The following CAMTA1 variants were observed in gnomAD, a reference collection of about 807,000 sequenced individuals.
CAMTA1 encodes the protein calmodulin binding transcription activator 1, also known as calmodulin-binding transcription activator 1.
A neutral mutation model predicts 170.9 loss-of-function variants in CAMTA1; 27 were observed. That is an observed-to-expected ratio of 0.16 (90% CI 0.12 to 0.22). CAMTA1 has a LOEUF of 0.22. CAMTA1 is among the 10% of genes least tolerant of loss of function. The pLI is 1.00. For synonymous variants in CAMTA1, 833 were observed against 891.5 expected (o/e 0.93, Z 1.17); for missense variants, 1,619 against 2,217.2 (o/e 0.73, Z 5.42).
intron 6 of CAMTA1, among the ~76,000 whole-genome samples, chr1:7,480,995 C>T (rs895702666): frequency 5.3e-5 from 8 of 152,018 alleles, no homozygotes; most frequent in Non-Finnish European, 1.0e-4. Context: ...GATGGCTCGC[C>T]GTCATGCAGA....
intron 5 of CAMTA1, among the ~76,000 whole-genome samples, chr1:7,383,984 G>A (rs1229857583): frequency 6.6e-6 from 1 of 152,150 alleles, no homozygotes; most frequent in Non-Finnish European, 1.5e-5. Context: ...CCCCATACAT[G>A]TAATGGAGCA....
chr1:6,874,634 C>T (rs546747725), intron 3 of CAMTA1, among the ~76,000 whole-genome samples: 1 of 152,332 alleles, frequency 6.6e-6, no homozygotes, highest in African/African-American at 2.4e-5. Context: ...GGTAATTAAG[C>T]TCCTCTAAAA....
At chr1:7,544,206 G>A (rs1472514623) in intron 6 of CAMTA1, among the ~76,000 whole-genome samples, 1 of 152,096 alleles carries the variant, frequency 6.6e-6, no homozygotes, top group Non-Finnish European at 1.5e-5. Context: ...ACATGGCGGT[G>A]GCAAGAGAAA....
At chr1:7,017,143 C>G (rs1249400949) in intron 3 of CAMTA1, among the ~76,000 whole-genome samples, 1 of 152,216 alleles carries the variant, frequency 6.6e-6, no homozygotes, top group African/African-American at 2.4e-5. Context: ...CCAGTTGTTT[C>G]ATTTCTCAGG....
chr1:7,210,166 A>G (rs1046021545), intron 4 of CAMTA1, among the ~76,000 whole-genome samples: 5 of 152,242 alleles, frequency 3.3e-5, no homozygotes, highest in African/African-American at 1.2e-4. Context: ...GCAAAATACA[A>G]TAATAAAAAC....
intron 6 of CAMTA1, among the ~76,000 whole-genome samples, chr1:7,584,600 C>T (rs933785220): frequency 6.6e-6 from 1 of 152,180 alleles, no homozygotes; most frequent in East Asian, 1.9e-4. Flanking sequence ...GGGGTAGACA[C>T]CACTGGATGC....
intron 3 of CAMTA1, among the ~76,000 whole-genome samples, chr1:7,017,074 A>C (rs1700669646): frequency 6.6e-6 from 1 of 152,170 alleles, no homozygotes; most frequent in Admixed American, 6.5e-5. Flanking sequence ...AGTCTTCGAC[A>C]GCTCTCACAC....
intron 5 of CAMTA1, among the ~76,000 whole-genome samples, chr1:7,275,227 C>A (rs571222000): frequency 6.9e-6 from 1 of 144,924 alleles, no homozygotes; most frequent in Admixed American, 6.8e-5. Flanking sequence ...GTATGGAGTA[C>A]AGGGAAAGCA....
chr1:6,818,548 C>G (rs971399449), intron 1 of CAMTA1, among the ~76,000 whole-genome samples: 1 of 152,156 alleles, frequency 6.6e-6, no homozygotes, highest in Non-Finnish European at 1.5e-5. Context: ...AGTATCCACC[C>G]GCCCTTTTTG....
At chr1:6,936,234 A>G (rs1685284454) in intron 3 of CAMTA1, among the ~76,000 whole-genome samples, 1 of 152,268 alleles carries the variant, frequency 6.6e-6, no homozygotes, top group South Asian at 2.1e-4. Flanking sequence ...AAAGTAGCCC[A>G]GATAATAGGC....
At chr1:7,756,565 TA>T (rs2096932974) in intron 22 of CAMTA1, among the ~76,000 whole-genome samples, 1 of 152,166 alleles carries the variant, frequency 6.6e-6, no homozygotes, top group Admixed American at 6.5e-5. Context: ...AAGCCAGGAA[TA>T]GGCCAGGTAC....
At chr1:7,291,558 C>T (rs939249923) in intron 5 of CAMTA1, among the ~76,000 whole-genome samples, 2 of 152,258 alleles carry the variant, frequency 1.3e-5, no homozygotes, top group Admixed American at 6.5e-5. Flanking sequence ...TGGGCCCTAG[C>T]GATGAATTAA....
At chr1:7,661,604 A>G in intron 7 of CAMTA1, 122 bp from the exon 8 acceptor site, 1 of 1,141,638 alleles carries the variant, frequency 8.8e-7, no homozygotes, top group Non-Finnish European at 1.3e-6. Context: ...TCGCCCCAGG[A>G]GCCAGCTCCC....
At chr1:7,695,878 C>T (rs1019642477) in intron 11 of CAMTA1, among the ~76,000 whole-genome samples, 1 of 152,174 alleles carries the variant, frequency 6.6e-6, no homozygotes, top group East Asian at 1.9e-4. Context: ...GTGCAGGAGA[C>T]GGCTGTCATT....
At chr1:7,161,528 G>A (rs1199611935) in intron 4 of CAMTA1, among the ~76,000 whole-genome samples, 1 of 151,976 alleles carries the variant, frequency 6.6e-6, no homozygotes, top group African/African-American at 2.4e-5. Context: ...TCTCATGATA[G>A]TGAATGAGTC....
intron 4 of CAMTA1, among the ~76,000 whole-genome samples, chr1:7,119,170 A>T: frequency 6.6e-6 from 1 of 152,188 alleles, no homozygotes; most frequent in East Asian, 1.9e-4. Flanking sequence ...TTCTCTGAAG[A>T]CTTGCTAGCA....
chr1:7,766,165 CAT>C (rs758934276), intron 22 of CAMTA1, among the ~76,000 whole-genome samples: 30 of 151,984 alleles, frequency 2.0e-4, no homozygotes, highest in East Asian at 7.7e-4. Context: ...TTAAGATAAA[CAT>C]GTGATTGTCA....
chr1:7,518,230 C>T (rs890471067), intron 6 of CAMTA1, among the ~76,000 whole-genome samples: 3 of 151,936 alleles, frequency 2.0e-5, no homozygotes, highest in Non-Finnish European at 2.9e-5. Flanking sequence ...CCTGGTAAAA[C>T]GAAGCTGGCA....
chr1:7,248,275 C>T lies in CAMTA1; in HGVS notation c.303-1216C>T, dbSNP rs1336819253. ...GCTGGAGGGTCTTGCCCCAGCCCTG[C>T]GGGGGACAGATGGCTGACTTATGGT... On this transcript the variant is annotated intron_variant, in intron 4 of 22. Transcript: ENST00000303635. This position sits in a 1 kb window ranked among gnomAD's most constrained non-coding sequence, Gnocchi z 4.0. Among the ~76,000 whole-genome samples, 4 of 152,162 alleles carry T rather than the reference C, an allele frequency of 2.6e-5. No homozygotes were observed. Among genetic ancestry groups the T allele is most frequent in the Non-Finnish European group, 4.4e-5 (3 of 68,038 alleles).
Sources: allele counts gnomAD v4.1 joint callset (sites outside exome capture counted in the v4.1 genomes callset), GRCh38; gene constraint gnomAD v4.1.1; non-coding constraint Gnocchi (gnomAD v3.1); transcripts MANE v1.5; gene names NCBI Gene and HGNC (gene_info 2026-07-23, HGNC 2026-07-21).